The following GALNT13 variants were observed in gnomAD, a reference collection of about 807,000 sequenced individuals.
GALNT13 encodes the protein UDP-GalNAc:polypeptide N-acetylgalactosaminyltransferase 13.
GALNT13 carries 28 observed loss-of-function variants against 64.2 expected under a neutral mutation model. The observed-to-expected ratio is 0.44, with a 90% confidence interval of 0.32 to 0.60. The LOEUF (loss-of-function observed/expected upper bound fraction) is 0.60, where lower values mean the gene tolerates loss of function less well. Among genes scored for constraint, GALNT13 ranks in the 20% least tolerant of loss-of-function variants. GALNT13 has a pLI of 0.05. For missense variants in GALNT13, 577 were observed against 669.8 expected, an observed-to-expected ratio of 0.86 and a Z score of 1.53; for synonymous variants, 214 against 224.6, an observed-to-expected ratio of 0.95 and a Z score of 0.42.
the GALNT13 span, among the ~76,000 whole-genome samples, chr2:153,315,170 C>T: frequency 6.6e-6 from 1 of 152,136 alleles, no homozygotes; most frequent in African/African-American, 2.4e-5. Context: ...TAAGAAGACA[C>T]AACAACCTTT....
intron 3 of GALNT13, among the ~76,000 whole-genome samples, chr2:154,019,338 G>C (rs541287957): frequency 1.3e-5 from 2 of 152,070 alleles, no homozygotes; most frequent in South Asian, 2.1e-4. Context: ...TAGCATATTT[G>C]AAAAATACAT....
chr2:153,907,136 C>G (rs1049920523), intron 2 of GALNT13, among the ~76,000 whole-genome samples: 140 of 151,794 alleles, frequency 9.2e-4, no homozygotes, highest in African/African-American at 3.2e-3. Flanking sequence ...ATTGTAGATT[C>G]TGGATATTAG....
intron 3 of GALNT13, among the ~76,000 whole-genome samples, chr2:153,992,597 A>G (rs1695233782): frequency 6.6e-6 from 1 of 152,212 alleles, no homozygotes; most frequent in Admixed American, 6.5e-5. Context: ...CTGGGCATCT[A>G]GATTCATGAA....
intron 9 of GALNT13, among the ~76,000 whole-genome samples, chr2:154,350,195 T>C (rs1696314534): frequency 6.6e-6 from 1 of 152,216 alleles, no homozygotes. Flanking sequence ...TGCAAAGTAT[T>C]GTTCCTGGTT....
At chr2:153,229,169 T>A in the GALNT13 span, among the ~76,000 whole-genome samples, 1 of 152,182 alleles carries the variant, frequency 6.6e-6, no homozygotes, top group South Asian at 2.1e-4. Flanking sequence ...TCTCACTGTG[T>A]GAATGGAAGC....
At chr2:153,518,484 C>T in the GALNT13 span, among the ~76,000 whole-genome samples, 5 of 152,170 alleles carry the variant, frequency 3.3e-5, no homozygotes, top group Admixed American at 3.3e-4. Flanking sequence ...CCAAAATATA[C>T]TAAGAAAACA....
At chr2:153,536,676 T>C in the GALNT13 span, among the ~76,000 whole-genome samples, 1 of 152,208 alleles carries the variant, frequency 6.6e-6, no homozygotes. Context: ...CATTAGCATA[T>C]AATAGTGTAG....
rs1043893235 is a variant in GALNT13 at position 154,119,706 on chromosome 2, G to A, written c.143-20631G>A. Among the ~76,000 whole-genome samples, 14 of 151,866 alleles carry A rather than the reference G, an allele frequency of 9.2e-5. No individual in the cohort carries two copies. In the East Asian group the frequency reaches 1.4e-3, roughly 15 times the overall value. Reference sequence around the variant, plus strand: ...TCCTTTGATTTGTTTGTTCTATTCCGCTGTTTGAGCTTTCTGTTGAGTTTT... The same window carrying A: ...TCCTTTGATTTGTTTGTTCTATTCCACTGTTTGAGCTTTCTGTTGAGTTTT... On this transcript the variant is annotated intron_variant, in intron 3 of 12. Coordinates refer to ENST00000392825, the MANE Select transcript of GALNT13 (RefSeq NM_052917.4).
intron 3 of GALNT13, among the ~76,000 whole-genome samples, chr2:154,059,725 A>G (rs748071594): frequency 5.2e-4 from 33 of 63,606 alleles, no homozygotes; most frequent in Non-Finnish European, 1.1e-3. Flanking sequence ...AAATATTTCC[A>G]GTATGTTAAA....
the GALNT13 span, chr2:153,478,398 C>G: frequency 6.2e-7 from 1 of 1,614,188 alleles, no homozygotes. Context: ...CGATCTGCAC[C>G]ACGCGCATTA....
chr2:153,861,558 T>C, the GALNT13 span, among the ~76,000 whole-genome samples: 2 of 104,378 alleles, frequency 1.9e-5, no homozygotes, highest in Admixed American at 3.1e-4. Context: ...TTTCTTTCTT[T>C]CTTTTTTTTT....
chr2:153,683,675 C>A, the GALNT13 span, among the ~76,000 whole-genome samples: 1 of 151,592 alleles, frequency 6.6e-6, no homozygotes, highest in Non-Finnish European at 1.5e-5. Flanking sequence ...ACTTTTGATG[C>A]CTCTCAAATT....
At chr2:153,366,540 TA>T in the GALNT13 span, among the ~76,000 whole-genome samples, 1 of 151,914 alleles carries the variant, frequency 6.6e-6, no homozygotes, top group Non-Finnish European at 1.5e-5. Context: ...TGGGATCATA[TA>T]AAATACTCTA....
intron 1 of GALNT13, among the ~76,000 whole-genome samples, chr2:153,876,537 G>C (rs983656409): frequency 6.6e-6 from 1 of 152,138 alleles, no homozygotes; most frequent in Non-Finnish European, 1.5e-5. Context: ...TTTGGGAGGA[G>C]CAGTGTAAAC....
the GALNT13 span, among the ~76,000 whole-genome samples, chr2:153,828,743 G>T: frequency 6.6e-6 from 1 of 152,168 alleles, no homozygotes; most frequent in African/African-American, 2.4e-5. Context: ...AGCTGGGCTT[G>T]AATTTCTCCT....
intron 8 of GALNT13, among the ~76,000 whole-genome samples, chr2:154,288,801 C>T (rs1426687657): frequency 2.0e-5 from 3 of 151,976 alleles, no homozygotes; most frequent in African/African-American, 7.2e-5. Context: ...CAGGGTACAG[C>T]TCCACTCCTT....
chr2:153,542,649 G>A, the GALNT13 span, among the ~76,000 whole-genome samples: 1 of 152,206 alleles, frequency 6.6e-6, no homozygotes, highest in Admixed American at 6.5e-5. Flanking sequence ...TAGCTATTGA[G>A]GGTGATCAGA....
At chr2:153,263,076 C>G in the GALNT13 span, among the ~76,000 whole-genome samples, 2 of 151,928 alleles carry the variant, frequency 1.3e-5, no homozygotes, top group African/African-American at 2.4e-5. Context: ...TCTTCTTAAC[C>G]TGATAAGCAA....
At chr2:153,416,932 C>T in the GALNT13 span, among the ~76,000 whole-genome samples, 1 of 152,084 alleles carries the variant, frequency 6.6e-6, no homozygotes, top group Non-Finnish European at 1.5e-5. Flanking sequence ...AGAAAGGGAC[C>T]ATGGAAGTGA....
Sources: allele counts gnomAD v4.1 joint callset (sites outside exome capture counted in the v4.1 genomes callset), GRCh38; gene constraint gnomAD v4.1.1; transcripts MANE v1.5; gene names NCBI Gene and HGNC (gene_info 2026-07-23, HGNC 2026-07-21).